Variants in ARMC2 observed in about 807,000 individuals in gnomAD.
ARMC2 encodes armadillo repeat-containing protein 2.
In ARMC2, 67 loss-of-function variants were observed where a neutral mutation model predicts 90.3. The ratio of observed to expected loss-of-function variants is 0.74; its 90% CI spans 0.61 to 0.91. The LOEUF (loss-of-function observed/expected upper bound fraction) is 0.91. Among genes scored for constraint, ARMC2 ranks in the 40% least tolerant of loss-of-function variants. The pLI, the probability that ARMC2 is intolerant of heterozygous loss-of-function variation, is 0.00. For synonymous variants in ARMC2, 393 were observed against 393.0 expected, an observed-to-expected ratio of 1.00 and a Z score of 0.00; for missense variants, 920 against 1,030.9, an observed-to-expected ratio of 0.89 and a Z score of 1.47.
At chr6:108,851,854 A>T (rs572780177) in intron 1 of ARMC2, among the ~76,000 whole-genome samples, 1 of 152,330 alleles carries the variant, frequency 6.6e-6, no homozygotes, top group African/African-American at 2.4e-5. Context: ...AGTCAAGAGT[A>T]CTTAGCACAG....
chr6:109,029,563 T>G, the ARMC2 span, among the ~76,000 whole-genome samples: 37 of 152,256 alleles, frequency 2.4e-4, no homozygotes, highest in African/African-American at 8.4e-4. Flanking sequence ...TTAAGATGGG[T>G]TCTTGCTCTG....
the ARMC2 span, chr6:108,987,633 G>A: frequency 6.5e-7 from 1 of 1,527,586 alleles, no homozygotes; most frequent in Non-Finnish European, 9.1e-7. Context: ...ACATGAACCT[G>A]AATATAAAAT....
intron 17 of ARMC2, among the ~76,000 whole-genome samples, chr6:108,972,214 T>C (rs1778813618): frequency 6.6e-6 from 1 of 152,234 alleles, no homozygotes; most frequent in African/African-American, 2.4e-5. Flanking sequence ...GGATTGAATA[T>C]ATTTATGGTG....
the ARMC2 span, chr6:108,994,451 G>C: frequency 6.2e-7 from 1 of 1,603,954 alleles, no homozygotes; most frequent in African/African-American, 1.3e-5. Context: ...CTATATAATG[G>C]TTGTTCTTAC....
At chr6:109,001,478 A>T in the ARMC2 span, 1 of 1,612,502 alleles carries the variant, frequency 6.2e-7, no homozygotes, top group African/African-American at 1.3e-5. Flanking sequence ...TTCACTCCCC[A>T]CTTGGAGGAT....
intron 13 of ARMC2, among the ~76,000 whole-genome samples, chr6:108,958,046 C>T (rs187864092): frequency 2.5e-3 from 381 of 152,250 alleles, no homozygotes; most frequent in Non-Finnish European, 3.8e-3. Context: ...TCAGTGTTCT[C>T]ATCTGACCCC....
chr6:109,046,703 G>T, the ARMC2 span, among the ~76,000 whole-genome samples: 1 of 126,148 alleles, frequency 7.9e-6, no homozygotes, highest in Non-Finnish European at 1.7e-5. Context: ...GCCGCCCATC[G>T]TCTGAGATGT....
chr6:108,952,930 T>C, intron 12 of ARMC2, 103 bp from the exon 13 acceptor site: 1 of 1,142,212 alleles, frequency 8.8e-7, no homozygotes, highest in South Asian at 1.6e-5. Context: ...ACGTGTTCCA[T>C]TTTACTATTA....
the ARMC2 span, among the ~76,000 whole-genome samples, chr6:109,014,079 T>C: frequency 6.6e-6 from 1 of 152,124 alleles, no homozygotes; most frequent in Admixed American, 6.5e-5. Flanking sequence ...GACAAGTCTT[T>C]GGTATTTTCC....
intron 12 of ARMC2, among the ~76,000 whole-genome samples, chr6:108,943,462 C>A (rs1776595679): frequency 2.6e-5 from 4 of 151,976 alleles, no homozygotes; most frequent in Admixed American, 2.6e-4. Context: ...CTAATTTTTT[C>A]TTGATTTAAA....
At chr6:108,895,942 A>C (rs1423634520) in intron 6 of ARMC2, among the ~76,000 whole-genome samples, 1 of 152,246 alleles carries the variant, frequency 6.6e-6, no homozygotes, top group African/African-American at 2.4e-5. Flanking sequence ...ATATCTGACC[A>C]AACTAGTGTG....
chr6:108,890,856 T>C (rs1770946565), intron 5 of ARMC2, among the ~76,000 whole-genome samples: 1 of 152,158 alleles, frequency 6.6e-6, no homozygotes, highest in Admixed American at 6.6e-5. Context: ...GCTGCACCCA[T>C]CAGCCCATCG....
the ARMC2 span, among the ~76,000 whole-genome samples, chr6:108,981,666 T>TC: frequency 6.6e-6 from 1 of 152,024 alleles, no homozygotes; most frequent in Non-Finnish European, 1.5e-5. Context: ...TACTTTTTTT[T>TC]TTTTTCTTCC....
chr6:108,965,857 T>G (rs1170232472), intron 17 of ARMC2, among the ~76,000 whole-genome samples: 1 of 151,358 alleles, frequency 6.6e-6, no homozygotes, highest in Non-Finnish European at 1.5e-5. Flanking sequence ...CTTGCTATGT[T>G]ACCCAGGCTG....
chr6:109,050,053 T>A, the ARMC2 span, among the ~76,000 whole-genome samples: 1 of 152,206 alleles, frequency 6.6e-6, no homozygotes, highest in African/African-American at 2.4e-5. Flanking sequence ...AAACTCTGTA[T>A]ATGAAGTAAA....
At chr6:108,926,655 G>C (rs1775129183) in intron 10 of ARMC2, among the ~76,000 whole-genome samples, 1 of 152,098 alleles carries the variant, frequency 6.6e-6, no homozygotes, top group South Asian at 2.1e-4. Flanking sequence ...AATGGGGGAG[G>C]CAGAGGTTGC....
At chr6:109,046,924 C>T in the ARMC2 span, among the ~76,000 whole-genome samples, 308 of 122,244 alleles carry the variant, frequency 2.5e-3, 17 homozygotes, top group East Asian at 9.2e-3. Flanking sequence ...CCTCTCCGCC[C>T]GGCAGCCACC....
chr6:108,991,073 A>AAAC, the ARMC2 span, among the ~76,000 whole-genome samples: 10,976 of 150,016 alleles, frequency 0.073, 959 homozygotes, highest in African/African-American at 0.21. Flanking sequence ...TCTCAAAAAA[A>AAAC]AACAACAACA....
At chr6:108,926,956 G>A (rs958108739) in intron 10 of ARMC2, among the ~76,000 whole-genome samples, 10 of 147,490 alleles carry the variant, frequency 6.8e-5, no homozygotes, top group Non-Finnish European at 1.5e-4. Flanking sequence ...TGTGTTTTCA[G>A]GGTAGTCAGT....
Sources: allele counts gnomAD v4.1 joint callset (sites outside exome capture counted in the v4.1 genomes callset), GRCh38; gene constraint gnomAD v4.1.1; transcripts MANE v1.5; gene names NCBI Gene and HGNC (gene_info 2026-07-23, HGNC 2026-07-21).